The following TMEM132C variants were observed in gnomAD, a reference collection of about 807,000 sequenced individuals.
TMEM132C encodes transmembrane protein 132C, also known as protein phosphatase 1, regulatory subunit 152.
Under a neutral mutation model 61.4 loss-of-function variants are expected in TMEM132C, and 29 were observed. The observed-to-expected ratio is 0.47, with a 90% confidence interval of 0.35 to 0.64. The LOEUF (loss-of-function observed/expected upper bound fraction) is 0.64. TMEM132C is among the 30% of genes least tolerant of loss of function. The probability of loss-of-function intolerance (pLI) is 0.00; values close to 1 mark genes in which losing one functional copy is unlikely to be tolerated. For missense variants in TMEM132C, 1,408 were observed against 1,476.9 expected (o/e 0.95, Z 0.76); for synonymous variants, 656 against 633.1 (o/e 1.04, Z -0.54).
At chr12:128,606,451 T>C (rs995275956) in intron 3 of TMEM132C, among the ~76,000 whole-genome samples, 1 of 152,194 alleles carries the variant, frequency 6.6e-6, no homozygotes, top group African/African-American at 2.4e-5. Flanking sequence ...CTGCCTGTAT[T>C]TCCCTCGCTG....
chr12:128,561,727 A>G (rs1874527597), intron 3 of TMEM132C, among the ~76,000 whole-genome samples: 1 of 152,242 alleles, frequency 6.6e-6, no homozygotes, highest in African/African-American at 2.4e-5. Context: ...GACTTAGGAT[A>G]TGGGCCAATT....
In TMEM132C at chr12:128,521,062, C is replaced by T. The variant is rs908371804; in HGVS notation, c.975-22895C>T. On this transcript the variant is annotated intron_variant, in intron 2 of 8. Transcript: ENST00000435159. Reference sequence around the variant, plus strand: ...CTGCTAACTGTCAAGCCACCCTTCGCGTTTCTCTCCTCTTTCTTTAATTCT... The same window carrying T: ...CTGCTAACTGTCAAGCCACCCTTCGTGTTTCTCTCCTCTTTCTTTAATTCT... Among the ~76,000 whole-genome samples the T allele has an allele frequency of 7.2e-5, 11 of 152,158 alleles. No individual in the cohort carries two copies. In the East Asian group the frequency reaches 1.2e-3, roughly 16 times the overall value.
intron 2 of TMEM132C, among the ~76,000 whole-genome samples, chr12:128,494,282 G>T (rs990311590): frequency 5.3e-5 from 8 of 152,176 alleles, no homozygotes; most frequent in African/African-American, 1.9e-4. Flanking sequence ...TTGCATCAAT[G>T]TTCATCAGGG....
intron 3 of TMEM132C, among the ~76,000 whole-genome samples, chr12:128,606,026 C>T (rs1392733618): frequency 6.6e-6 from 1 of 152,206 alleles, no homozygotes; most frequent in South Asian, 2.1e-4. Flanking sequence ...TAGGGCCCAC[C>T]ATTGCAGCAC....
At chr12:128,593,270 T>A (rs901661763) in intron 3 of TMEM132C, among the ~76,000 whole-genome samples, 2 of 151,380 alleles carry the variant, frequency 1.3e-5, no homozygotes, top group Non-Finnish European at 2.9e-5. Flanking sequence ...TACCTCTCTC[T>A]CTTTCTTCTG....
intron 2 of TMEM132C, among the ~76,000 whole-genome samples, chr12:128,485,934 C>T (rs1043192677): frequency 6.6e-6 from 1 of 152,176 alleles, no homozygotes; most frequent in Non-Finnish European, 1.5e-5. Context: ...GTCATGTTTA[C>T]AGCACGTAAC....
intron 1 of TMEM132C, among the ~76,000 whole-genome samples, chr12:128,280,643 G>A (rs1374840011): frequency 6.6e-6 from 1 of 152,146 alleles, no homozygotes; most frequent in Non-Finnish European, 1.5e-5. Flanking sequence ...CTTGATCTGG[G>A]TATTCAATTA....
rs182101695 is a variant in TMEM132C, at chr12:128,430,084, C to T, written c.974+14464C>T. On this transcript the variant is annotated intron_variant, in intron 2 of 8. Coordinates refer to ENST00000435159, the MANE Select transcript of TMEM132C (RefSeq NM_001136103.3). ...GCCTCCTTCTCAGTAACCCAGCGAG[C>T]TACAGAGTCTCCAGAGAGTTCAAGA... 2.8e-3 allele frequency among the ~76,000 whole-genome samples: 421 copies of T among 152,284 alleles called. 1 individual carries two copies. The highest frequency in any genetic ancestry group is 5.1e-3 in the Non-Finnish European group (347 of 68,014).
At chr12:128,535,163 G>A (rs886146609) in intron 2 of TMEM132C, among the ~76,000 whole-genome samples, 6 of 152,166 alleles carry the variant, frequency 3.9e-5, no homozygotes, top group Non-Finnish European at 7.3e-5. Context: ...AGTAGCACGT[G>A]TATTTAGTGA....
At chr12:128,424,046 CAAA>C (rs144980387) in intron 2 of TMEM132C, among the ~76,000 whole-genome samples, 5 of 72,780 alleles carry the variant, frequency 6.9e-5, no homozygotes, top group Admixed American at 1.8e-4. Context: ...GACTCTGTCT[CAAA>C]AAAAAAAAAA....
Position 128,693,972 on chromosome 12 carries a change from G to C in TMEM132C, c.1593G>C (p.Glu531Asp), listed in dbSNP as rs1278341573. ...VWVPRLPLQI[E>D]VSDTELSQIK... ...TGCCCCGGCTGCCCCTGCAGATCGA[G>C]GTCTCTGACACGGAGCTCAGCCAGA... The change falls in exon 6 of 9, where the codon GAG (glutamate) becomes GAC (aspartate). Residue 531 changes from glutamate (E) to aspartate (D), a missense_variant. Coordinates refer to ENST00000435159, the MANE Select transcript of TMEM132C (RefSeq NM_001136103.3). 43 of 1,551,622 alleles carry C rather than the reference G, an allele frequency of 2.8e-5. No homozygotes were observed. The highest frequency in any genetic ancestry group is 3.7e-5 in the Non-Finnish European group (42 of 1,147,012).
At chr12:128,458,105 A>C (rs1870406741) in intron 2 of TMEM132C, among the ~76,000 whole-genome samples, 1 of 151,578 alleles carries the variant, frequency 6.6e-6, no homozygotes, top group Non-Finnish European at 1.5e-5. Flanking sequence ...CGTACACAAT[A>C]GGGAGATATT....
chr12:128,297,669 T>C (rs1871455344), intron 1 of TMEM132C, among the ~76,000 whole-genome samples: 3 of 152,200 alleles, frequency 2.0e-5, no homozygotes, highest in African/African-American at 7.2e-5. Flanking sequence ...TGTAGCAGTG[T>C]CTCCTGGTGG....
At chr12:128,583,055 A>T in intron 3 of TMEM132C, among the ~76,000 whole-genome samples, 1 of 152,228 alleles carries the variant, frequency 6.6e-6, no homozygotes, top group East Asian at 1.9e-4. Context: ...AGAAAAAGGC[A>T]TCAAGGTTTT....
At chr12:128,556,584 G>A (rs1049468923) in intron 3 of TMEM132C, among the ~76,000 whole-genome samples, 3 of 152,146 alleles carry the variant, frequency 2.0e-5, no homozygotes, top group African/African-American at 7.2e-5. Context: ...TGAACAGGTG[G>A]CAACTTTGTC....
chr12:128,349,655 A>G (rs1218640887), intron 1 of TMEM132C, among the ~76,000 whole-genome samples: 1 of 152,174 alleles, frequency 6.6e-6, no homozygotes, highest in Non-Finnish European at 1.5e-5. Context: ...TGTTTCAGGT[A>G]TGCTAGGTAC....
At chr12:128,573,964 A>G (rs1485775136) in intron 3 of TMEM132C, among the ~76,000 whole-genome samples, 1 of 151,448 alleles carries the variant, frequency 6.6e-6, no homozygotes, top group Non-Finnish European at 1.5e-5. Context: ...ACCAAAGAGG[A>G]GTGGAGAGGT....
intron 1 of TMEM132C, chr12:128,404,844 A>T (rs946618555): frequency 6.6e-6 from 1 of 152,068 alleles, no homozygotes; most frequent in East Asian, 1.9e-4. Flanking sequence ...AATCTGAAAA[A>T]CTCAATTTCT....
At chr12:128,325,828 TC>T (rs1872493036) in intron 1 of TMEM132C, among the ~76,000 whole-genome samples, 2 of 152,100 alleles carry the variant, frequency 1.3e-5, no homozygotes. Context: ...CAGGCTGCCC[TC>T]CCAGTAAGAG....
Sources: allele counts gnomAD v4.1 joint callset (sites outside exome capture counted in the v4.1 genomes callset), GRCh38; gene constraint gnomAD v4.1.1; transcripts MANE v1.5; gene names NCBI Gene and HGNC (gene_info 2026-07-23, HGNC 2026-07-21).